The following PADI2 variants were observed in gnomAD, a reference collection of about 807,000 sequenced individuals.
PADI2 encodes peptidyl arginine deiminase 2.
In PADI2, 70 loss-of-function variants were observed where a neutral mutation model predicts 81.1. That is an observed-to-expected ratio of 0.86 (90% CI 0.71 to 1.05). PADI2 has a LOEUF of 1.05. Ranked by LOEUF, PADI2 falls within the 50% of genes least tolerant of loss-of-function variation. The pLI, the probability that PADI2 is intolerant of heterozygous loss-of-function variation, is 0.00. For missense variants in PADI2, 853 were observed against 889.9 expected (o/e 0.96, Z 0.53); for synonymous variants, 338 against 358.0 (o/e 0.94, Z 0.63).
At chr1:17,074,755 C>T (rs1450688405) in intron 13 of PADI2, 101 bp downstream of exon 13, 1 of 664,120 alleles carries the variant, frequency 1.5e-6, no homozygotes, top group Non-Finnish European at 2.6e-6. Flanking sequence ...GGAAGTGGAG[C>T]TGGGTGCTCA....
At chr1:17,075,599 C>A in intron 12 of PADI2, 80 bp downstream of exon 12, 3 of 1,327,744 alleles carry the variant, frequency 2.3e-6, no homozygotes, top group Non-Finnish European at 2.1e-6. Context: ...TCCTCTAGCT[C>A]TTGCCCTCTG....
In PADI2 at chr1:17,072,543, C is replaced by T. The variant is rs77642548; in HGVS notation, c.1550-1052G>A. Among the ~76,000 whole-genome samples the T allele has an allele frequency of 5.1e-3, 776 of 152,286 alleles. 6 individuals carry two copies. The highest frequency in any genetic ancestry group is 0.018 in the African/African-American group (732 of 41,550). On this transcript the variant is annotated intron_variant, in intron 13 of 15. Coordinates refer to ENST00000375486, the MANE Select transcript of PADI2 (RefSeq NM_007365.3). Reference sequence around the variant, plus strand: ...CGGAGATCTTGGCTCTTTGGCATTGCCTGGTTCACCTTCCTCCCCAGGTCT... The same window carrying T: ...CGGAGATCTTGGCTCTTTGGCATTGTCTGGTTCACCTTCCTCCCCAGGTCT...
Position 17,067,604 on chromosome 1 carries a change from G to A in PADI2, c.*1440C>T, listed in dbSNP as rs2078232106. The A allele has an allele frequency of 6.6e-6, 1 of 152,256 alleles. No homozygotes were observed. The allele number at this position is 152,256 out of a possible 1,614,324, so 9.4% of individuals were successfully genotyped here. A position where few individuals can be genotyped will look rare whatever the true frequency, so the allele number is the denominator to read the frequency against. On this transcript the variant is annotated 3_prime_UTR_variant, in exon 16 of 16. Coordinates refer to ENST00000375486, the MANE Select transcript of PADI2 (RefSeq NM_007365.3). ...AAGGGGCAGAGGCTGGCCTTTAAAT[G>A]TGGGCTTTGCATGTTGGGGAGTGAT... is the stretch of plus-strand genomic sequence containing the variant.
chr1:17,100,692 C>T (rs1198708408), intron 3 of PADI2, among the ~76,000 whole-genome samples: 4 of 143,584 alleles, frequency 2.8e-5, no homozygotes, highest in African/African-American at 2.6e-5. Context: ...GACAAAGTCT[C>T]GCTCTGTCGC....
At chr1:17,070,024 G>T in intron 15 of PADI2, 64 bp downstream of exon 15, 1 of 1,552,242 alleles carries the variant, frequency 6.4e-7, no homozygotes. Flanking sequence ...CAGCTGAGGG[G>T]TCCTTCTGGA....
In PADI2 at chr1:17,074,926, G is replaced by A; in HGVS notation, c.1479C>T (p.Ser493=). Residue 493 remains serine, a synonymous_variant, in exon 13 of 16, where the codon AGC becomes AGT. Coordinates refer to ENST00000375486, the MANE Select transcript of PADI2 (RefSeq NM_007365.3). ...GTKKFLLLMA[S]TSACYKLFRE... ...GGAAGAGCTTGTAGCAGGCCGAGGT[G>A]CTGGCCATGAGTAGCAGGAATTTCT... 1 of 1,612,604 alleles carries A rather than the reference G, an allele frequency of 6.2e-7. No homozygotes were observed.
At chr1:17,102,166 C>A (rs147956257) in intron 3 of PADI2, among the ~76,000 whole-genome samples, 1 of 152,206 alleles carries the variant, frequency 6.6e-6, no homozygotes, top group African/African-American at 2.4e-5. Context: ...AATGTTAAAC[C>A]AAGGTTGGAT....
Position 17,093,876 on chromosome 1 carries a change from A to G in PADI2, c.412-192T>C, listed in dbSNP as rs963624230. The stretch of plus-strand genomic sequence containing the variant: ...AATGTGGGCATCAAAGGCAAGTTCA[A>G]TAGAGGCACAGAGACAGGAAGGCTG... On this transcript the variant is annotated intron_variant, in intron 4 of 15. Coordinates refer to ENST00000375486, the MANE Select transcript of PADI2 (RefSeq NM_007365.3). Among the ~76,000 whole-genome samples, 40 of 152,230 alleles carry G rather than the reference A, an allele frequency of 2.6e-4. 1 individual carries two copies. The highest frequency in any genetic ancestry group is 1.2e-3 in the Admixed American group (19 of 15,288).
intron 7 of PADI2, among the ~76,000 whole-genome samples, 184 bp downstream of exon 7, chr1:17,086,337 A>G (rs1450396306): frequency 1.3e-5 from 2 of 152,224 alleles, no homozygotes; most frequent in African/African-American, 4.8e-5. Context: ...TCCCAGGAGC[A>G]TGGCTCAGAG....
At chr1:17,107,079 C>T (rs1242478734) in intron 1 of PADI2, among the ~76,000 whole-genome samples, 1 of 152,118 alleles carries the variant, frequency 6.6e-6, no homozygotes, top group Admixed American at 6.5e-5. Context: ...CTAGGGCTGG[C>T]GGCTTTGCTA....
chr1:17,096,236 G>T (rs1557767809), intron 3 of PADI2, among the ~76,000 whole-genome samples: 1 of 152,208 alleles, frequency 6.6e-6, no homozygotes. Flanking sequence ...CCACTTCATT[G>T]TTCTGGCTGG....
chr1:17,113,086 T>A (rs1931641725), intron 1 of PADI2, among the ~76,000 whole-genome samples: 1 of 152,154 alleles, frequency 6.6e-6, no homozygotes, highest in African/African-American at 2.4e-5. Context: ...CCAGAATATA[T>A]CTCTCCCTCC....
chr1:17,099,094 G>A (rs903661479), intron 3 of PADI2, among the ~76,000 whole-genome samples: 1 of 152,234 alleles, frequency 6.6e-6, no homozygotes, highest in Non-Finnish European at 1.5e-5. Flanking sequence ...TTGGGTTCAA[G>A]GCAGTCTGCC....
intron 13 of PADI2, among the ~76,000 whole-genome samples, chr1:17,072,306 C>G (rs1053792567): frequency 6.6e-6 from 1 of 152,144 alleles, no homozygotes; most frequent in Admixed American, 6.5e-5. Context: ...TAAAGATGCC[C>G]AGCTACAAGC....
At chr1:17,104,126 CAA>C (rs112120798) in intron 2 of PADI2, among the ~76,000 whole-genome samples, 3,290 of 133,826 alleles carry the variant, frequency 0.025, 110 homozygotes, top group African/African-American at 0.08. Context: ...ACTAAAAATA[CAA>C]AAAAAAAAAA....
intron 6 of PADI2, 46 bp downstream of exon 6, chr1:17,092,362 T>C: frequency 6.6e-7 from 1 of 1,509,760 alleles, no homozygotes; most frequent in Non-Finnish European, 8.9e-7. Context: ...GGGAGGAGGG[T>C]AGGTGGCTAG....
At chr1:17,105,690 G>A (rs1019527769) in intron 1 of PADI2, among the ~76,000 whole-genome samples, 9 of 152,046 alleles carry the variant, frequency 5.9e-5, no homozygotes, top group South Asian at 4.1e-4. Flanking sequence ...CACCACGCCC[G>A]GCTCTTTTTT....
intron 7 of PADI2, among the ~76,000 whole-genome samples, chr1:17,085,755 C>T (rs932896368): frequency 2.8e-4 from 43 of 152,334 alleles, no homozygotes; most frequent in Non-Finnish European, 2.2e-4. Context: ...CTAGATCCAG[C>T]CTCACCTTTC....
In PADI2 at chr1:17,078,778, C is replaced by A. The variant is rs560937046; in HGVS notation, c.1310+486G>T. Among the ~76,000 whole-genome samples the A allele has an allele frequency of 3.9e-5, 6 of 152,324 alleles. No individual in the cohort carries two copies. The East Asian group carries it at 1.2e-3, about 29-fold the overall frequency. The stretch of plus-strand genomic sequence containing the variant: ...TGGTGTGATCTCAGCTCACTGCAAC[C>A]TCCACCTCCCAGGCTCAAGCGATCC... On this transcript the variant is annotated intron_variant, in intron 11 of 15. Coordinates refer to ENST00000375486, the MANE Select transcript of PADI2 (RefSeq NM_007365.3).
Sources: gnomAD v4.1 joint callset for allele counts (sites outside exome capture counted in the v4.1 genomes callset) on GRCh38, gnomAD v4.1.1 for gene constraint, MANE v1.5 for transcripts, NCBI Gene and HGNC (gene_info 2026-07-23, HGNC 2026-07-21) for gene names.